The following ROBO2 variants were observed in gnomAD, a reference collection of about 807,000 sequenced individuals.
The protein encoded by ROBO2 is roundabout guidance receptor 2.
Under a neutral mutation model 160.8 loss-of-function variants are expected in ROBO2, and 53 were observed. That is an observed-to-expected ratio of 0.33 (90% CI 0.26 to 0.41). The LOEUF is 0.41. ROBO2 is among the 10% of genes least tolerant of loss of function. The pLI, the probability that ROBO2 is intolerant of heterozygous loss-of-function variation, is 1.00. For synonymous variants in ROBO2, 664 were observed against 611.7 expected (o/e 1.09, Z -1.26); for missense variants, 1,577 against 1,722.4 (o/e 0.92, Z 1.49).
intron 2 of ROBO2, among the ~76,000 whole-genome samples, chr3:76,787,293 G>C (rs9853034): frequency 6.7e-6 from 1 of 149,176 alleles, no homozygotes; most frequent in African/African-American, 2.4e-5. Flanking sequence ...AACATGTGAA[G>C]TTTGAATTTT....
At chr3:77,311,659 TCTTAA>T (rs2063550201) in intron 2 of ROBO2, among the ~76,000 whole-genome samples, 2 of 152,236 alleles carry the variant, frequency 1.3e-5, no homozygotes, top group African/African-American at 4.8e-5. Context: ...GTACTGAACC[TCTTAA>T]CTTCTCAGGG....
chr3:76,830,484 CA>C (rs1007724608), intron 2 of ROBO2, among the ~76,000 whole-genome samples: 1 of 151,718 alleles, frequency 6.6e-6, no homozygotes, highest in East Asian at 1.9e-4. Flanking sequence ...ATCCCCTACT[CA>C]AAAAAAATTT....
At chr3:76,078,173 ATT>A (rs762088203) in intron 2 of ROBO2, among the ~76,000 whole-genome samples, 1 of 152,094 alleles carries the variant, frequency 6.6e-6, no homozygotes, top group Non-Finnish European at 1.5e-5. Context: ...TGTTTTCATT[ATT>A]GGTTGTGAGG....
At chr3:76,724,016 C>G (rs2093507847) in intron 2 of ROBO2, among the ~76,000 whole-genome samples, 1 of 152,196 alleles carries the variant, frequency 6.6e-6, no homozygotes, top group Non-Finnish European at 1.5e-5. Flanking sequence ...CAATCACATT[C>G]AGCATCTACA....
intron 2 of ROBO2, among the ~76,000 whole-genome samples, chr3:77,387,317 A>G (rs2074233080): frequency 6.8e-6 from 1 of 146,434 alleles, no homozygotes; most frequent in African/African-American, 2.5e-5. Context: ...AACCTGGCCA[A>G]CATAGGGAAA....
intron 2 of ROBO2, among the ~76,000 whole-genome samples, chr3:76,112,399 C>G (rs1424840034): frequency 6.6e-6 from 1 of 151,996 alleles, no homozygotes; most frequent in Non-Finnish European, 1.5e-5. Context: ...TTTTTCTACT[C>G]CTACCTTCTT....
At chr3:77,012,779 C>G (rs890830628) in intron 2 of ROBO2, among the ~76,000 whole-genome samples, 1 of 152,166 alleles carries the variant, frequency 6.6e-6, no homozygotes, top group African/African-American at 2.4e-5. Context: ...TGGGATTTAG[C>G]CTGATAATTT....
At chr3:77,378,405 A>G (rs1026661982) in intron 2 of ROBO2, among the ~76,000 whole-genome samples, 1 of 152,218 alleles carries the variant, frequency 6.6e-6, no homozygotes, top group African/African-American at 2.4e-5. Flanking sequence ...CTTGCTCAAG[A>G]AAACAGCAGA....
chr3:76,626,771 C>T (rs972631173), intron 2 of ROBO2, among the ~76,000 whole-genome samples: 7 of 152,034 alleles, frequency 4.6e-5, no homozygotes, highest in Admixed American at 1.3e-4. Context: ...CTGCTCACTG[C>T]AAGTTCCGCC....
chr3:77,602,025 G>C (rs1311936103), intron 19 of ROBO2, among the ~76,000 whole-genome samples, 185 bp from the exon 21 acceptor site: 1 of 152,204 alleles, frequency 6.6e-6, no homozygotes, highest in Non-Finnish European at 1.5e-5. Flanking sequence ...CAGTAGGCCT[G>C]CCTGTCACTG....
At chr3:76,048,126 C>A (rs1157593789) in intron 2 of ROBO2, among the ~76,000 whole-genome samples, 1 of 152,064 alleles carries the variant, frequency 6.6e-6, no homozygotes, top group African/African-American at 2.4e-5. Flanking sequence ...GTATTGTCAA[C>A]ACTTTGTGAA....
At chr3:76,114,019 C>G (rs1482444955) in intron 2 of ROBO2, among the ~76,000 whole-genome samples, 2 of 152,204 alleles carry the variant, frequency 1.3e-5, no homozygotes, top group Non-Finnish European at 2.9e-5. Flanking sequence ...CAGAGCCGAG[C>G]AGATGCTGGT....
chr3:76,475,152 G>C (rs1342705045), intron 2 of ROBO2, among the ~76,000 whole-genome samples: 1 of 152,010 alleles, frequency 6.6e-6, no homozygotes. Context: ...AGTTCAAATA[G>C]GGTAGGCAGG....
chr3:77,459,056 T>A (rs1432376325), intron 2 of ROBO2, among the ~76,000 whole-genome samples: 1 of 152,152 alleles, frequency 6.6e-6, no homozygotes, highest in Admixed American at 6.5e-5. Flanking sequence ...TCCACCCCAC[T>A]AGACAACTGC....
intron 5 of ROBO2, among the ~76,000 whole-genome samples, chr3:77,520,077 A>T (rs537408630): frequency 1.7e-4 from 26 of 151,382 alleles, no homozygotes; most frequent in Non-Finnish European, 3.3e-4. Flanking sequence ...GATCACTTTT[A>T]CATTTTATTT....
Position 77,635,048 on chromosome 3 carries a change from G to C in ROBO2, c.3934+5G>C. The C allele has an allele frequency of 4.3e-6, 7 of 1,613,908 alleles. No homozygotes were observed. Among genetic ancestry groups the C allele is most frequent in the Non-Finnish European group, 5.9e-6 (7 of 1,179,926 alleles). On this transcript the variant is annotated splice_donor_5th_base_variant and intron_variant, in intron 24 of 25. Transcript: ENST00000461745. ...GAAGGGAAGGAATGACAGATGGTAG[G>C]TTTCTTCCCTTTACTCTTGTTTCCT...
At chr3:76,948,225 C>T (rs1186720040) in intron 2 of ROBO2, among the ~76,000 whole-genome samples, 2 of 152,106 alleles carry the variant, frequency 1.3e-5, no homozygotes, top group African/African-American at 4.8e-5. Flanking sequence ...TTCTCTCTTG[C>T]AATTATGCTG....
At chr3:77,095,558 G>A (rs183173011) in intron 1 of ROBO2, among the ~76,000 whole-genome samples, 1 of 152,196 alleles carries the variant, frequency 6.6e-6, no homozygotes. Context: ...GTAGGTTACT[G>A]TGCATAGGGA....
At chr3:76,119,049 A>C (rs2070604684) in intron 2 of ROBO2, among the ~76,000 whole-genome samples, 1 of 152,186 alleles carries the variant, frequency 6.6e-6, no homozygotes, top group Non-Finnish European at 1.5e-5. Context: ...TGAATGCAAT[A>C]TGAGGACATA....
Sources: gnomAD v4.1 joint callset for allele counts (sites outside exome capture counted in the v4.1 genomes callset) on GRCh38, gnomAD v4.1.1 for gene constraint, MANE v1.5 for transcripts, NCBI Gene and HGNC (gene_info 2026-07-23, HGNC 2026-07-21) for gene names.